PDE1A: variants seen among roughly 807,000 people sequenced by gnomAD.
PDE1A encodes phosphodiesterase 1A.
PDE1A carries 35 observed loss-of-function variants against 61.7 expected under a neutral mutation model. The observed-to-expected ratio is 0.57, with a 90% CI of 0.43 to 0.75. PDE1A has a LOEUF of 0.75. PDE1A is among the 30% of genes least tolerant of loss of function. PDE1A has a pLI of 0.00. For synonymous variants in PDE1A, 232 were observed against 213.2 expected, an observed-to-expected ratio of 1.09 and a Z score of -0.77; for missense variants, 597 against 630.6, an observed-to-expected ratio of 0.95 and a Z score of 0.57.
intron 2 of PDE1A, among the ~76,000 whole-genome samples, chr2:182,516,504 T>A (rs1427866879): frequency 2.6e-5 from 4 of 151,776 alleles, no homozygotes; most frequent in East Asian, 3.9e-4. Flanking sequence ...TATAAAAAAA[T>A]TAGCCAGGTG....
chr2:182,495,975 G>A (rs1304821004), intron 2 of PDE1A, among the ~76,000 whole-genome samples: 2 of 152,176 alleles, frequency 1.3e-5, no homozygotes, highest in Non-Finnish European at 2.9e-5. Flanking sequence ...GATTTAGTGG[G>A]ATAACAAATA....
At chr2:182,713,881 C>T in the PDE1A span, among the ~76,000 whole-genome samples, 1 of 152,166 alleles carries the variant, frequency 6.6e-6, no homozygotes, top group African/African-American at 2.4e-5. Flanking sequence ...ATTTCCATTT[C>T]CTCAGCTCCT....
At chr2:182,478,074 A>G (rs1032857118) in intron 2 of PDE1A, among the ~76,000 whole-genome samples, 3 of 151,932 alleles carry the variant, frequency 2.0e-5, no homozygotes, top group Non-Finnish European at 4.4e-5. Context: ...ACTCATCTCA[A>G]AAAGAAGCAG....
chr2:182,497,806 G>A (rs1688807568), intron 2 of PDE1A, among the ~76,000 whole-genome samples: 1 of 151,968 alleles, frequency 6.6e-6, no homozygotes, highest in Admixed American at 6.6e-5. Context: ...ACTTTGGGAG[G>A]CCGAGGTCGG....
intron 2 of PDE1A, among the ~76,000 whole-genome samples, chr2:182,498,032 C>G (rs538035358): frequency 8.4e-6 from 1 of 118,390 alleles, no homozygotes; most frequent in African/African-American, 3.5e-5. Context: ...TGCGACAGAG[C>G]GAGATTGCGT....
At chr2:182,540,359 T>A in the PDE1A span, among the ~76,000 whole-genome samples, 2 of 89,222 alleles carry the variant, frequency 2.2e-5, no homozygotes, top group East Asian at 4.3e-4. Context: ...AGACACCCTG[T>A]CTCAAAGAAA....
At chr2:182,347,460 A>G (rs940678984) in intron 1 of PDE1A, among the ~76,000 whole-genome samples, 1 of 152,142 alleles carries the variant, frequency 6.6e-6, no homozygotes, top group Non-Finnish European at 1.5e-5. Flanking sequence ...CTACTTGGGT[A>G]TCCATTTCAT....
intron 2 of PDE1A, among the ~76,000 whole-genome samples, chr2:182,248,642 G>T (rs530188041): frequency 6.6e-6 from 1 of 152,276 alleles, no homozygotes; most frequent in African/African-American, 2.4e-5. Context: ...AGAGGTCATG[G>T]GATTTTGACT....
chr2:182,200,202 C>T (rs1301879201), intron 10 of PDE1A, among the ~76,000 whole-genome samples: 1 of 152,122 alleles, frequency 6.6e-6, no homozygotes, highest in African/African-American at 2.4e-5. Flanking sequence ...CCTAGCAGAG[C>T]TTCAAAAACC....
In PDE1A at chr2:182,231,022, C is replaced by T. The variant is rs199972789; in HGVS notation, c.527G>A (p.Arg176His). Residue 176 changes from arginine (R) to histidine (H), a missense_variant, in exon 5 of 14, where the codon CGT (arginine) becomes CAT (histidine). Arg to His is a conservative substitution (Grantham distance 29). Coordinates refer to ENST00000351439, the Ensembl canonical transcript of PDE1A. The stretch of plus-strand genomic sequence containing the variant: ...TTGTTCCATGTTTCTGACCTTGAAA[C>T]GGTTGATAAGATCATATCTGGTAAA... The T allele has an allele frequency of 1.6e-4, 247 of 1,510,714 alleles. 2 individuals are homozygous for T. The Admixed American group carries it at 3.1e-3, about 19-fold the overall frequency. The allele number at this position is 1,510,714 out of a possible 1,614,324, so 93.6% of individuals were successfully genotyped here.
Position 182,522,336 on chromosome 2 carries a change from G to A in PDE1A, c.41C>T (p.Thr14Ile), listed in dbSNP as rs368798363. ...TTCTCCTGTAAGATACTTAAAAGTG[G>A]TGTTTTCCAATTCTTCAATCTCTGT... Residue 14 changes from threonine (T) to isoleucine (I), a missense_variant, in exon 2 of 15, where the codon ACC (threonine) becomes ATC (isoleucine). Coordinates refer to the PDE1A transcript ENST00000410103. 5.0e-6 allele frequency: 8 copies of A among 1,613,580 alleles called. No individual in the cohort carries two copies. In the East Asian group the frequency reaches 6.7e-5, roughly 13 times the overall value.
At chr2:182,555,994 A>AAAAAAAAAT in the PDE1A span, among the ~76,000 whole-genome samples, 1 of 138,088 alleles carries the variant, frequency 7.2e-6, no homozygotes, top group African/African-American at 2.6e-5. Flanking sequence ...AAAAAAAAAA[A>AAAAAAAAAT]GAGTGGCATT....
At chr2:182,369,479 T>A (rs1391227161) in intron 1 of PDE1A, among the ~76,000 whole-genome samples, 2 of 152,172 alleles carry the variant, frequency 1.3e-5, no homozygotes, top group East Asian at 3.9e-4. Context: ...GACAAAGCAT[T>A]TATTGGAAAT....
chr2:182,608,705 C>G, the PDE1A span, among the ~76,000 whole-genome samples: 5 of 152,212 alleles, frequency 3.3e-5, no homozygotes, highest in Non-Finnish European at 7.4e-5. Context: ...CCTGCGCCTC[C>G]GGAGCCTCCC....
the PDE1A span, among the ~76,000 whole-genome samples, chr2:182,584,167 G>A: frequency 2.0e-5 from 3 of 151,198 alleles, no homozygotes; most frequent in African/African-American, 4.9e-5. Context: ...CTGAATTCTA[G>A]TTCTACTGCT....
At position 182,468,915 on chromosome 2, in the gene PDE1A, C is replaced by T. The variant is rs115022384; in HGVS notation, c.101+53361G>A. Among the ~76,000 whole-genome samples, 465 of 152,004 alleles carry T rather than the reference C, an allele frequency of 3.1e-3. 3 individuals are homozygous for T. Among genetic ancestry groups the T allele is most frequent in the African/African-American group, 0.011 (444 of 41,528 alleles). On this transcript the variant is annotated intron_variant, in intron 2 of 14. Coordinates refer to the PDE1A transcript ENST00000410103. ...GAGCAGTAATATTTTGAAATGAATC[C>T]TTTTCTCTGAGCAGTAGGTCTTAAC...
chr2:182,236,770 G>C (rs546281593), intron 3 of PDE1A, among the ~76,000 whole-genome samples: 1 of 152,100 alleles, frequency 6.6e-6, no homozygotes, highest in Admixed American at 6.6e-5. Flanking sequence ...GCCTCAATGG[G>C]ACCTCTGATG....
upstream of PDE1A, among the ~76,000 whole-genome samples, chr2:182,525,106 A>G (rs2125995566): frequency 6.6e-6 from 1 of 152,298 alleles, no homozygotes; most frequent in East Asian, 1.9e-4. Flanking sequence ...TAAAATGAGC[A>G]TAATAATAAC....
chr2:182,574,945 C>G, the PDE1A span, among the ~76,000 whole-genome samples: 1 of 152,172 alleles, frequency 6.6e-6, no homozygotes, highest in African/African-American at 2.4e-5. Context: ...CCACCTCAGC[C>G]TCCCAAGGTG....
Sources: allele counts gnomAD v4.1 joint callset (sites outside exome capture counted in the v4.1 genomes callset), GRCh38; gene constraint gnomAD v4.1.1; transcripts MANE v1.5; gene names NCBI Gene and HGNC (gene_info 2026-07-23, HGNC 2026-07-21).